Variants in RABGAP1L observed in about 807,000 individuals in gnomAD.
RABGAP1L encodes the protein rab GTPase-activating protein 1-like.
RABGAP1L carries 63 observed loss-of-function variants against 137.7 expected under a neutral mutation model. The ratio of observed to expected loss-of-function variants is 0.46; its 90% CI spans 0.37 to 0.56. The LOEUF (loss-of-function observed/expected upper bound fraction) is 0.56, where lower values mean the gene tolerates loss of function less well. Ranked by LOEUF, RABGAP1L falls within the 20% of genes least tolerant of loss-of-function variation. The pLI is 0.00. For missense variants in RABGAP1L, 1,095 were observed against 1,244.0 expected (o/e 0.88, Z 1.80); for synonymous variants, 431 against 433.7 (o/e 0.99, Z 0.08).
At chr1:174,578,872 GT>G (rs1405049326) in intron 13 of RABGAP1L, among the ~76,000 whole-genome samples, 1 of 152,066 alleles carries the variant, frequency 6.6e-6, no homozygotes, top group South Asian at 2.1e-4. Context: ...AGAGAAGATA[GT>G]TTTGTGAACA....
At chr1:174,869,459 G>A (rs924857396) in intron 19 of RABGAP1L, among the ~76,000 whole-genome samples, 1 of 152,244 alleles carries the variant, frequency 6.6e-6, no homozygotes, top group South Asian at 2.1e-4. Context: ...GAAGGTCCTT[G>A]CTTCCCCTTC....
At chr1:174,459,764 G>A (rs1012850600) in intron 13 of RABGAP1L, among the ~76,000 whole-genome samples, 1 of 152,024 alleles carries the variant, frequency 6.6e-6, no homozygotes, top group Admixed American at 6.6e-5. Context: ...AGGACTGACT[G>A]TATATGCTTT....
At chr1:174,759,464 G>A (rs540198921) in intron 18 of RABGAP1L, among the ~76,000 whole-genome samples, 50 of 151,822 alleles carry the variant, frequency 3.3e-4, no homozygotes, top group African/African-American at 1.1e-3. Flanking sequence ...GCATGGTGGC[G>A]TGTGCCTGTA....
At chr1:174,818,291 C>G (rs1394831628) in intron 19 of RABGAP1L, among the ~76,000 whole-genome samples, 1 of 152,148 alleles carries the variant, frequency 6.6e-6, no homozygotes, top group Non-Finnish European at 1.5e-5. Context: ...AAGAGTATGA[C>G]TGTGAACACT....
chr1:174,807,161 T>A (rs572190648), intron 18 of RABGAP1L, among the ~76,000 whole-genome samples: 1 of 152,206 alleles, frequency 6.6e-6, no homozygotes, highest in Non-Finnish European at 1.5e-5. Flanking sequence ...AAGATATGTA[T>A]GTAATGATGG....
chr1:174,696,491 A>C (rs1679270409), intron 15 of RABGAP1L, among the ~76,000 whole-genome samples: 3 of 152,226 alleles, frequency 2.0e-5, no homozygotes, highest in Non-Finnish European at 4.4e-5. Context: ...GACTTGCCGG[A>C]AGATTGTAAT....
intron 13 of RABGAP1L, among the ~76,000 whole-genome samples, chr1:174,569,227 C>G (rs1350837841): frequency 1.3e-5 from 2 of 152,170 alleles, no homozygotes; most frequent in Non-Finnish European, 2.9e-5. Context: ...TGAAGTATGA[C>G]TGTGTTGTGC....
At chr1:174,420,510 T>C (rs745617440) in intron 13 of RABGAP1L, among the ~76,000 whole-genome samples, 9 of 152,158 alleles carry the variant, frequency 5.9e-5, no homozygotes, top group Non-Finnish European at 1.0e-4. Flanking sequence ...TGTTAACTAA[T>C]TTAATATGTT....
intron 11 of RABGAP1L, among the ~76,000 whole-genome samples, chr1:174,323,496 A>C (rs2148835022): frequency 1.3e-5 from 2 of 152,240 alleles, no homozygotes; most frequent in Non-Finnish European, 2.9e-5. Context: ...TCTAGATCTT[A>C]TATATTCTTA....
intron 13 of RABGAP1L, chr1:174,548,204 A>C: frequency 7.0e-7 from 1 of 1,430,344 alleles, no homozygotes. Context: ...GGTGAAGGTA[A>C]TTAAGAGAAA....
chr1:174,180,833 G>T (rs1301620559), intron 1 of RABGAP1L, among the ~76,000 whole-genome samples: 1 of 152,036 alleles, frequency 6.6e-6, no homozygotes, highest in Non-Finnish European at 1.5e-5. Flanking sequence ...TTCTTGTTGT[G>T]TTTTAAAATT....
At chr1:174,447,400 A>C (rs1323367964) in intron 13 of RABGAP1L, among the ~76,000 whole-genome samples, 2 of 152,166 alleles carry the variant, frequency 1.3e-5, no homozygotes, top group Non-Finnish European at 2.9e-5. Flanking sequence ...ATCTTTTCAA[A>C]TTAACTTTGA....
chr1:174,982,880 G>T lies in RABGAP1L; in HGVS notation c.2780G>T (p.Ser927Ile). The change falls in exon 24 of 26, where the codon AGC (serine) becomes ATC (isoleucine). Residue 927 changes from serine to isoleucine, a missense_variant. Ser to Ile is a moderately radical substitution (Grantham distance 142). Coordinates refer to ENST00000681986, the MANE Select transcript of RABGAP1L (RefSeq NM_001366446.1). ...STRLEKQQAA[S>I]KEELEVVKGK... ...AGGCTGGAGAAACAGCAAGCAGCCA[G>T]CAAGGAGGAGCTGGAAGTGGTAAAG... The T allele has an allele frequency of 6.4e-7, 1 of 1,550,502 alleles. No individual in the cohort carries two copies. The highest frequency in any genetic ancestry group is 8.7e-7 in the Non-Finnish European group (1 of 1,146,914).
intron 22 of RABGAP1L, among the ~76,000 whole-genome samples, chr1:174,978,416 A>G (rs988078272): frequency 6.6e-6 from 1 of 152,224 alleles, no homozygotes; most frequent in Non-Finnish European, 1.5e-5. Flanking sequence ...GAGGCCTACA[A>G]TGATTTTTTT....
At chr1:174,470,594 C>T (rs1478732647) in intron 13 of RABGAP1L, among the ~76,000 whole-genome samples, 1 of 152,012 alleles carries the variant, frequency 6.6e-6, no homozygotes, top group Admixed American at 6.6e-5. Flanking sequence ...TGGTGAAACC[C>T]CGTCTCTACT....
intron 13 of RABGAP1L, among the ~76,000 whole-genome samples, chr1:174,414,644 C>G (rs774927353): frequency 6.6e-6 from 1 of 151,980 alleles, no homozygotes; most frequent in South Asian, 2.1e-4. Flanking sequence ...GTCTGTGGCA[C>G]TGTAATTGGA....
chr1:174,270,628 T>TA (rs1202843625), intron 7 of RABGAP1L, among the ~76,000 whole-genome samples: 1 of 151,838 alleles, frequency 6.6e-6, no homozygotes, highest in South Asian at 2.1e-4. Context: ...TTTTCTGCCT[T>TA]AAAAAATAAA....
At chr1:174,173,255 C>T (rs139997438) in intron 1 of RABGAP1L, among the ~76,000 whole-genome samples, 4,623 of 151,908 alleles carry the variant, frequency 0.03, 79 homozygotes, top group Middle Eastern at 0.059. Context: ...CTCAGCCTCC[C>T]GAGTAGCTGG....
chr1:174,577,210 TACAC>T (rs67709003), intron 13 of RABGAP1L, among the ~76,000 whole-genome samples: 6,053 of 126,884 alleles, frequency 0.048, 136 homozygotes, highest in African/African-American at 0.053. Flanking sequence ...GGGGAAAAAA[TACAC>T]ACACACACAC....
Sources: gnomAD v4.1 joint callset for allele counts (sites outside exome capture counted in the v4.1 genomes callset) on GRCh38, gnomAD v4.1.1 for gene constraint, MANE v1.5 for transcripts, NCBI Gene and HGNC (gene_info 2026-07-23, HGNC 2026-07-21) for gene names.